Variants in SYT16 observed in about 807,000 individuals in gnomAD.
SYT16 encodes the protein synaptotagmin 16.
Under a neutral mutation model 61.4 loss-of-function variants are expected in SYT16, and 42 were observed. The ratio of observed to expected loss-of-function variants is 0.68; its 90% CI spans 0.53 to 0.89. SYT16 has a LOEUF of 0.89. SYT16 is among the 40% of genes least tolerant of loss of function. The pLI is 0.00. For synonymous variants in SYT16, 314 were observed against 302.3 expected (o/e 1.04, Z -0.40); for missense variants, 804 against 807.3 (o/e 1.00, Z 0.05).
At chr14:62,066,435 T>A (rs933972377) in intron 3 of SYT16, among the ~76,000 whole-genome samples, 1 of 152,284 alleles carries the variant, frequency 6.6e-6, no homozygotes, top group Non-Finnish European at 1.5e-5. Context: ...CGGGCACTTA[T>A]GACAGTGCCT....
intron 1 of SYT16, among the ~76,000 whole-genome samples, chr14:61,941,249 G>T (rs1363399371): frequency 6.6e-6 from 1 of 152,130 alleles, no homozygotes; most frequent in African/African-American, 2.4e-5. Flanking sequence ...CCAGTCACTA[G>T]CTATCCCTTA....
Position 61,867,876 on chromosome 14 carries a change from A to G in SYT16, c.-325+55066A>G, listed in dbSNP as rs575203082. On this transcript the variant is annotated intron_variant, in intron 1 of 7. Transcript: ENST00000683842. ...TGCTGAAAGTTTTGATCAAAAATAG[A>G]TGTTGAATTTTGCCAAGTGCTTTTT... Among the ~76,000 whole-genome samples the G allele has an allele frequency of 3.3e-5, 5 of 152,148 alleles. No individual in the cohort carries two copies. The South Asian group carries it at 8.3e-4, about 25-fold the overall frequency.
intron 1 of SYT16, among the ~76,000 whole-genome samples, chr14:61,966,467 T>G (rs2051319858): frequency 6.6e-6 from 1 of 152,098 alleles, no homozygotes; most frequent in Admixed American, 6.5e-5. Flanking sequence ...TATTTTTTCT[T>G]TAACTTATTT....
intron 3 of SYT16, among the ~76,000 whole-genome samples, chr14:62,067,956 A>G (rs1444685583): frequency 6.6e-6 from 1 of 152,218 alleles, no homozygotes; most frequent in Non-Finnish European, 1.5e-5. Flanking sequence ...ACTGCACTCC[A>G]GCCTGGGTGG....
chr14:61,928,705 G>A (rs1024876192), intron 1 of SYT16, among the ~76,000 whole-genome samples: 3 of 152,074 alleles, frequency 2.0e-5, no homozygotes, highest in Non-Finnish European at 2.9e-5. Flanking sequence ...TGTAGATATC[G>A]GCTACTCTTC....
intron 1 of SYT16, among the ~76,000 whole-genome samples, chr14:61,912,407 A>G (rs1026696239): frequency 6.6e-6 from 1 of 152,238 alleles, no homozygotes; most frequent in Admixed American, 6.5e-5. Flanking sequence ...TTTGTTGGGT[A>G]TGATTTCAAA....
intron 3 of SYT16, among the ~76,000 whole-genome samples, chr14:62,024,546 C>T (rs561460913): frequency 1.3e-5 from 2 of 152,096 alleles, no homozygotes; most frequent in South Asian, 4.2e-4. Context: ...TTCCCATACA[C>T]CCTGTGTTCT....
intron 1 of SYT16, among the ~76,000 whole-genome samples, chr14:61,828,944 A>G (rs773584298): frequency 2.0e-5 from 3 of 152,238 alleles, no homozygotes; most frequent in Non-Finnish European, 2.9e-5. Context: ...CAACTGGACC[A>G]GGAACAAAAC....
Position 62,000,104 on chromosome 14 carries a change from T to TTTTTTTTTTTTTTTTTTTTGG in SYT16, c.523+3581_523+3582insGGTTTTTTTTTTTTTTTTTTT, listed in dbSNP as rs2052945583. ...AATACTTATTTTGTCTCTCGATTTTTTTTTTTTTTTTTTTTTTTTTTTTTA... is the reference window on the plus strand; with the variant it reads ...AATACTTATTTTGTCTCTCGATTTTTTTTTTTTTTTTTTTTTTTTGGTTTTTTTTTTTTTTTTTTTTTTTTA... On this transcript the variant is annotated intron_variant, in intron 3 of 7. Transcript: ENST00000683842. Among the ~76,000 whole-genome samples, 2 of 106,954 alleles carry TTTTTTTTTTTTTTTTTTTTGG rather than the reference T, an allele frequency of 1.9e-5. 1 individual carries two copies. The highest frequency in any genetic ancestry group is 4.1e-5 in the Non-Finnish European group (2 of 48,262). The allele number at this position is 106,954 out of a possible 152,430, so 70.2% of individuals were successfully genotyped here.
chr14:62,045,573 G>A (rs1360665213), intron 3 of SYT16, among the ~76,000 whole-genome samples: 1 of 151,956 alleles, frequency 6.6e-6, no homozygotes, highest in Non-Finnish European at 1.5e-5. Flanking sequence ...TTTAACATTA[G>A]GTATATCTCC....
chr14:62,064,134 A>G (rs1246182941), intron 3 of SYT16, among the ~76,000 whole-genome samples: 3 of 152,126 alleles, frequency 2.0e-5, no homozygotes, highest in Non-Finnish European at 4.4e-5. Context: ...TGGGAAAGGG[A>G]TTTGAACTTG....
At chr14:61,983,226 C>T (rs566661578) in intron 2 of SYT16, among the ~76,000 whole-genome samples, 33 of 152,194 alleles carry the variant, frequency 2.2e-4, no homozygotes, top group African/African-American at 7.5e-4. Context: ...CTTAGCCTGA[C>T]AGATTAAAGT....
intron 1 of SYT16, among the ~76,000 whole-genome samples, chr14:61,907,996 T>C (rs1296951401): frequency 2.6e-5 from 4 of 152,246 alleles, no homozygotes; most frequent in Non-Finnish European, 2.9e-5. Context: ...TGGAGATGTG[T>C]ATGTAGCCAT....
At chr14:62,095,482 G>A (rs184483765) in intron 7 of SYT16, among the ~76,000 whole-genome samples, 1 of 151,834 alleles carries the variant, frequency 6.6e-6, no homozygotes, top group African/African-American at 2.4e-5. Flanking sequence ...GCTTTAAAAT[G>A]TTACTATTTA....
chr14:61,937,319 G>A (rs548985248), intron 1 of SYT16, among the ~76,000 whole-genome samples: 11 of 152,326 alleles, frequency 7.2e-5, no homozygotes, highest in African/African-American at 2.6e-4. Context: ...GAGTTAATTG[G>A]TTTAGTGAGT....
chr14:61,846,875 A>G (rs1210165064), intron 1 of SYT16, among the ~76,000 whole-genome samples: 2 of 152,194 alleles, frequency 1.3e-5, no homozygotes, highest in African/African-American at 4.8e-5. Flanking sequence ...CTATCTTATA[A>G]CCCATTATTT....
chr14:62,062,759 C>T (rs768628270), intron 3 of SYT16, among the ~76,000 whole-genome samples: 3 of 151,944 alleles, frequency 2.0e-5, no homozygotes, highest in East Asian at 3.9e-4. Context: ...GGAGAAATCT[C>T]GTATCTAAGG....
intron 3 of SYT16, among the ~76,000 whole-genome samples, chr14:62,021,150 C>A (rs4899063): frequency 0.44 from 67,242 of 151,990 alleles, 15,291 homozygotes; most frequent in East Asian, 0.66. Flanking sequence ...GTGAGTTGAT[C>A]ATTTTGAGGG....
At chr14:61,932,253 A>G (rs1056897770) in intron 1 of SYT16, among the ~76,000 whole-genome samples, 5 of 152,172 alleles carry the variant, frequency 3.3e-5, no homozygotes, top group Non-Finnish European at 7.3e-5. Flanking sequence ...AATGCTGGAA[A>G]CCAAGGGTGG....
Sources: gnomAD v4.1 joint callset for allele counts (sites outside exome capture counted in the v4.1 genomes callset) on GRCh38, gnomAD v4.1.1 for gene constraint, MANE v1.5 for transcripts, NCBI Gene and HGNC (gene_info 2026-07-23, HGNC 2026-07-21) for gene names.